TMEM230: variants seen among roughly 807,000 people sequenced by gnomAD.
TMEM230 encodes the protein transmembrane protein 230.
A neutral mutation model predicts 15.8 loss-of-function variants in TMEM230; 10 were observed. That is an observed-to-expected ratio of 0.63 (90% confidence interval 0.39 to 1.07). The LOEUF is 1.07. Ranked by LOEUF, TMEM230 falls within the 50% of genes least tolerant of loss-of-function variation. The pLI, the probability that TMEM230 is intolerant of heterozygous loss-of-function variation, is 0.01. For synonymous variants in TMEM230, 67 were observed against 76.9 expected (o/e 0.87, Z 0.68); for missense variants, 165 against 193.3 (o/e 0.85, Z 0.87).
rs758119588 is a variant in TMEM230, at chr20:5,111,607, T to TAAAAAAAAAAAAAAAAAAA, written c.69-21_69-3dup. The TAAAAAAAAAAAAAAAAAAA allele has an allele frequency of 3.4e-5, 2 of 58,734 alleles. No individual in the cohort carries two copies. Among genetic ancestry groups the TAAAAAAAAAAAAAAAAAAA allele is most frequent in the Non-Finnish European group, 5.9e-5 (2 of 34,040 alleles). The allele number at this position is 58,734 out of a possible 1,614,324, so 3.6% of individuals were successfully genotyped here. On this transcript the variant is annotated splice_region_variant and splice_polypyrimidine_tract_variant and intron_variant, in intron 1 of 4. Transcript: ENST00000342308. ...CTGGGCGACAGAACTAGACTCCATC[T>TAAAAAAAAAAAAAAAAAAA]AAAAAAAAAAAAAAAAAAAAAAAAA...
chr20:5,061,819 T>G, the TMEM230 span, among the ~76,000 whole-genome samples: 1 of 151,984 alleles, frequency 6.6e-6, no homozygotes, highest in East Asian at 1.9e-4. Context: ...AAATAGGGCA[T>G]TAGGGGGTTC....
Position 5,108,937 on chromosome 20 carries a change from G to A in TMEM230, c.288+395C>T, listed in dbSNP as rs151269524. 1.1e-4 allele frequency among the ~76,000 whole-genome samples: 16 copies of A among 152,070 alleles called. No individual in the cohort carries two copies. In the East Asian group the frequency reaches 1.7e-3, roughly 16 times the overall value. On this transcript the variant is annotated intron_variant, in intron 3 of 4. Transcript: ENST00000342308. ...TAAGTTTCTCCCTTAAAAGGTGAAC[G>A]GGCTTTGACTAAAGTGTAAATAAAC...
intron 3 of TMEM230, among the ~76,000 whole-genome samples, chr20:5,073,685 C>G (rs1235899038): frequency 1.3e-5 from 2 of 152,246 alleles, no homozygotes; most frequent in African/African-American, 4.8e-5. Context: ...CAACGGCTTC[C>G]TCTCTCTTCC....
intron 3 of TMEM230, among the ~76,000 whole-genome samples, chr20:5,090,417 G>A (rs1019077969): frequency 1.3e-5 from 2 of 152,164 alleles, no homozygotes; most frequent in Non-Finnish European, 2.9e-5. Flanking sequence ...AAGTCACGCA[G>A]GAAGCCAGAA....
chr20:5,105,962 A>C (rs1244122874), intron 4 of TMEM230, among the ~76,000 whole-genome samples: 4 of 152,104 alleles, frequency 2.6e-5, no homozygotes, highest in Non-Finnish European at 4.4e-5. Context: ...GCTACTCGGG[A>C]GGCTGAGGTG....
intron 4 of TMEM230, among the ~76,000 whole-genome samples, chr20:5,103,074 T>C (rs886843699): frequency 1.3e-5 from 2 of 152,174 alleles, no homozygotes; most frequent in Admixed American, 1.3e-4. Context: ...TTGATAAAAT[T>C]CTACATCCAC....
At chr20:5,063,083 C>T in the TMEM230 span, among the ~76,000 whole-genome samples, 52 of 152,054 alleles carry the variant, frequency 3.4e-4, no homozygotes, top group Non-Finnish European at 8.8e-5. Context: ...AGCCTCACCA[C>T]GGCTGTCCTA....
downstream of TMEM230, chr20:5,067,410 C>CATATATATATATATAT (rs60791101): frequency 2.8e-4 from 29 of 102,302 alleles, no homozygotes; most frequent in Non-Finnish European, 3.8e-4. Flanking sequence ...TGTTTAGGCT[C>CATATATATATATATAT]ATATATATAT....
chr20:5,079,675 T>C (rs531568656), intron 3 of TMEM230, among the ~76,000 whole-genome samples: 102 of 152,216 alleles, frequency 6.7e-4, no homozygotes, highest in African/African-American at 2.4e-3. Context: ...TTCCATCTCC[T>C]GGGAGAATGG....
In TMEM230 at chr20:5,112,841, G is replaced by C. The variant is rs932766004; in HGVS notation, c.68+120C>G. 1.6e-5 allele frequency: 25 copies of C among 1,541,074 alleles called. No homozygotes were observed. In the African/African-American group the frequency reaches 2.7e-4, roughly 17 times the overall value. On this transcript the variant is annotated intron_variant, in intron 1 of 4. Transcript: ENST00000342308. ...TCTGGAAAGAGGCCAACTGTGCCAGGGGGGACGAATGCCCCACACGGATGA... is the reference window on the plus strand; with the variant it reads ...TCTGGAAAGAGGCCAACTGTGCCAGCGGGGACGAATGCCCCACACGGATGA...
chr20:5,112,276 T>C (rs915449340), intron 1 of TMEM230, among the ~76,000 whole-genome samples: 4 of 152,252 alleles, frequency 2.6e-5, no homozygotes, highest in African/African-American at 9.6e-5. Flanking sequence ...TAGCATAATG[T>C]TAATCTCTAT....
chr20:5,059,642 C>T, the TMEM230 span, among the ~76,000 whole-genome samples: 273 of 150,270 alleles, frequency 1.8e-3, no homozygotes, highest in African/African-American at 6.5e-3. Context: ...GAGAGTGTCT[C>T]AGTGTTGCCC....
chr20:5,112,314 G>A (rs1395787760), intron 1 of TMEM230, among the ~76,000 whole-genome samples: 2 of 152,238 alleles, frequency 1.3e-5, no homozygotes, highest in African/African-American at 4.8e-5. Flanking sequence ...GGATCAAACT[G>A]TGTCAAATAG....
rs1479217204 is a variant in TMEM230 at position 5,099,942 on chromosome 20, G to A, written c.*849C>T. On this transcript the variant is annotated 3_prime_UTR_variant, in exon 5 of 5. Coordinates refer to ENST00000342308, the MANE Select transcript of TMEM230 (RefSeq NM_001009923.2). ...GTCACTTTTTGCAAGCTAAAAAATA[G>A]AATCAAACTAAGGTGATCTAGTCCT... is the stretch of plus-strand genomic sequence containing the variant. 1 of 985,236 alleles carries A rather than the reference G, an allele frequency of 1.0e-6. No homozygotes were observed. Among genetic ancestry groups the A allele is most frequent in the East Asian group, 1.1e-4 (1 of 8,820 alleles). The allele number at this position is 985,236 out of a possible 1,614,324, so 61.0% of individuals were successfully genotyped here.
intron 1 of TMEM230, among the ~76,000 whole-genome samples, chr20:5,112,246 G>A (rs751376521): frequency 6.6e-6 from 1 of 152,170 alleles, no homozygotes; most frequent in Non-Finnish European, 1.5e-5. Context: ...TCCTGGTCTA[G>A]AAATCAAGTA....
chr20:5,098,490 C>T (rs753390407), downstream of TMEM230: 1 of 152,102 alleles, frequency 6.6e-6, no homozygotes, highest in Non-Finnish European at 1.5e-5. Flanking sequence ...TAGGTCTTTT[C>T]TATAAAACAC....
chr20:5,097,969 ATT>A (rs5840073), downstream of TMEM230, among the ~76,000 whole-genome samples: 439 of 67,216 alleles, frequency 6.5e-3, no homozygotes, highest in African/African-American at 0.022. Flanking sequence ...CTAACTCAGG[ATT>A]TTTTTTTTTT....
At chr20:5,060,199 A>C in the TMEM230 span, among the ~76,000 whole-genome samples, 1 of 152,132 alleles carries the variant, frequency 6.6e-6, no homozygotes, top group Non-Finnish European at 1.5e-5. Flanking sequence ...GGCATGAAAC[A>C]CTGCACCCAG....
downstream of TMEM230, chr20:5,099,822 C>A: frequency 1.1e-6 from 1 of 947,514 alleles, no homozygotes; most frequent in African/African-American, 1.8e-5. Flanking sequence ...TTAAAGATAT[C>A]ATAAAATCAT....
Sources: gnomAD v4.1 joint callset for allele counts (sites outside exome capture counted in the v4.1 genomes callset) on GRCh38, gnomAD v4.1.1 for gene constraint, MANE v1.5 for transcripts, NCBI Gene and HGNC (gene_info 2026-07-23, HGNC 2026-07-21) for gene names.